The following SNX25 variants were observed in gnomAD, a reference collection of about 807,000 sequenced individuals.
SNX25 encodes the protein sorting nexin-25.
SNX25 carries 62 observed loss-of-function variants against 113.7 expected under a neutral mutation model. The observed-to-expected ratio is 0.55, with a 90% CI of 0.44 to 0.67. SNX25 has a LOEUF of 0.67. Among genes scored for constraint, SNX25 ranks in the 30% least tolerant of loss-of-function variants. The probability of loss-of-function intolerance (pLI) is 0.00; values close to 1 mark genes in which losing one functional copy is unlikely to be tolerated. For missense variants in SNX25, 1,014 were observed against 1,161.0 expected, an observed-to-expected ratio of 0.87 and a Z score of 1.84; for synonymous variants, 421 against 436.2, an observed-to-expected ratio of 0.97 and a Z score of 0.43.
Position 185,346,526 on chromosome 4 carries a change from T to C in SNX25, c.2188-11T>C, listed in dbSNP as rs749136415. On this transcript the variant is annotated splice_polypyrimidine_tract_variant and intron_variant, in intron 12 of 18. Coordinates refer to ENST00000652585, the MANE Select transcript of SNX25 (RefSeq NM_001378034.2). The stretch of plus-strand genomic sequence containing the variant: ...TTCAAAATACTAACATTTCATTTTT[T>C]CCCCCCACAGTGCGTCCCTTCTTTA... 3.3e-6 allele frequency: 5 copies of C among 1,516,718 alleles called. No homozygotes were observed. Among genetic ancestry groups the C allele is most frequent in the Middle Eastern group, 3.4e-4 (2 of 5,904 alleles). 94.0% of individuals were successfully genotyped at this position (1,516,718 alleles called of 1,614,324 possible). A position where few individuals can be genotyped will look rare whatever the true frequency, so the allele number is the denominator to read the frequency against.
chr4:185,252,158 A>G (rs1347324414), intron 2 of SNX25, among the ~76,000 whole-genome samples: 1 of 152,204 alleles, frequency 6.6e-6, no homozygotes, highest in Non-Finnish European at 1.5e-5. Context: ...TTCAACAGCA[A>G]TAACAACAAC....
At chr4:185,241,404 T>C (rs1342676670) in intron 1 of SNX25, among the ~76,000 whole-genome samples, 5 of 144,364 alleles carry the variant, frequency 3.5e-5, no homozygotes, top group South Asian at 2.3e-4. Context: ...GGCAGGGAGG[T>C]TGCAGTGAGC....
chr4:185,344,160 G>A (rs962155328), intron 12 of SNX25, among the ~76,000 whole-genome samples: 23 of 152,176 alleles, frequency 1.5e-4, no homozygotes, highest in African/African-American at 4.3e-4. Context: ...GGCGGAGGTT[G>A]CAGTGAGTCA....
downstream of SNX25, chr4:185,373,112 T>C (rs374913250): frequency 6.4e-7 from 1 of 1,556,978 alleles, no homozygotes; most frequent in African/African-American, 1.4e-5. Context: ...ATTGTATTTG[T>C]GATCCACTAG....
At chr4:185,346,977 A>G (rs1201625428) in intron 13 of SNX25, among the ~76,000 whole-genome samples, 1 of 152,152 alleles carries the variant, frequency 6.6e-6, no homozygotes, top group Admixed American at 6.5e-5. Flanking sequence ...CCAGCACCAT[A>G]GATCAGTTAC....
At chr4:185,377,607 G>A in the SNX25 span, 1 of 167,988 alleles carries the variant, frequency 6.0e-6, no homozygotes, top group African/African-American at 2.4e-5. Context: ...ACAGTGCAGG[G>A]CTGGGTATAA....
At chr4:185,258,291 A>G (rs1746741041) in intron 2 of SNX25, among the ~76,000 whole-genome samples, 1 of 152,184 alleles carries the variant, frequency 6.6e-6, no homozygotes, top group Admixed American at 6.5e-5. Context: ...TGGGGTGAAC[A>G]CCATCGGGTG....
At chr4:185,230,254 C>T (rs1276703829) in intron 1 of SNX25, among the ~76,000 whole-genome samples, 1 of 152,188 alleles carries the variant, frequency 6.6e-6, no homozygotes, top group East Asian at 1.9e-4. Context: ...CATACTGCCT[C>T]TTGTCTTTAT....
intron 11 of SNX25, 127 bp downstream of exon 11, chr4:185,339,637 T>C: frequency 8.2e-7 from 1 of 1,222,448 alleles, no homozygotes; most frequent in South Asian, 1.6e-5. Flanking sequence ...ATATTTGTCC[T>C]ACCTTCCTTC....
At chr4:185,376,226 C>T in the SNX25 span, among the ~76,000 whole-genome samples, 1 of 152,152 alleles carries the variant, frequency 6.6e-6, no homozygotes, top group Non-Finnish European at 1.5e-5. Context: ...CCCCTAAGTA[C>T]TAGATAAAAA....
At chr4:185,328,780 G>A (rs1448397350) in intron 9 of SNX25, among the ~76,000 whole-genome samples, 4 of 152,170 alleles carry the variant, frequency 2.6e-5, no homozygotes, top group African/African-American at 4.8e-5. Context: ...AGCCCCAGGC[G>A]CTTCCTGGAG....
chr4:185,378,461 C>A, the SNX25 span: 2 of 1,233,640 alleles, frequency 1.6e-6, no homozygotes, highest in Non-Finnish European at 2.0e-6. Context: ...GTTTGCACGT[C>A]CTGTCTGGCT....
intron 5 of SNX25, among the ~76,000 whole-genome samples, chr4:185,274,750 T>G (rs570695036): frequency 1.3e-4 from 20 of 152,354 alleles, no homozygotes; most frequent in African/African-American, 4.3e-4. Flanking sequence ...CAGTGTTGGA[T>G]TCTTAATAAT....
At chr4:185,211,086 G>A (rs1200432805) in intron 1 of SNX25, among the ~76,000 whole-genome samples, 2 of 152,094 alleles carry the variant, frequency 1.3e-5, no homozygotes, top group East Asian at 3.9e-4. Flanking sequence ...AATTGCCCAA[G>A]CGCTTTGGGG....
chr4:185,332,778 G>C lies in SNX25; in HGVS notation c.1914+19G>C, dbSNP rs751786744. 4 of 1,607,044 alleles carry C rather than the reference G, an allele frequency of 2.5e-6. No homozygotes were observed. Among genetic ancestry groups the C allele is most frequent in the Non-Finnish European group, 3.4e-6 (4 of 1,176,636 alleles). On this transcript the variant is annotated intron_variant, in intron 10 of 18. Transcript: ENST00000652585. ...CAAGAAGGTAACTCTTTGCTTTCAA[G>C]GTTGTCTTTGAAAGTTAACATTTGT...
intron 15 of SNX25, among the ~76,000 whole-genome samples, chr4:185,356,165 C>CG (rs2095338064): frequency 6.6e-6 from 1 of 150,662 alleles, no homozygotes; most frequent in South Asian, 2.1e-4. Context: ...GTGTGTGTAT[C>CG]GGGGGGTTAC....
chr4:185,368,090 A>C (rs558057171), downstream of SNX25, among the ~76,000 whole-genome samples: 4 of 152,262 alleles, frequency 2.6e-5, no homozygotes, highest in South Asian at 8.3e-4. Context: ...AGCCAGGAGA[A>C]TGGCGTGAAC....
chr4:185,308,361 G>A (rs192168894), intron 6 of SNX25, among the ~76,000 whole-genome samples: 5 of 152,292 alleles, frequency 3.3e-5, no homozygotes, highest in Non-Finnish European at 5.9e-5. Context: ...TAACAGAGCC[G>A]GGATTCTAAC....
intron 1 of SNX25, among the ~76,000 whole-genome samples, chr4:185,241,078 C>T (rs1472507884): frequency 1.3e-4 from 19 of 151,774 alleles, no homozygotes; most frequent in Non-Finnish European, 2.4e-4. Context: ...GACGGGGTGG[C>T]GGCCGGGCAG....
Sources: allele counts gnomAD v4.1 joint callset (sites outside exome capture counted in the v4.1 genomes callset), GRCh38; gene constraint gnomAD v4.1.1; transcripts MANE v1.5; gene names NCBI Gene and HGNC (gene_info 2026-07-23, HGNC 2026-07-21).